Variants in LIN7B observed in about 807,000 individuals in gnomAD.
LIN7B encodes the protein protein lin-7 homolog B.
In LIN7B, 16 loss-of-function variants were observed where a neutral mutation model predicts 27.9. That is an observed-to-expected ratio of 0.57 (90% CI 0.39 to 0.87). The LOEUF is 0.87. LIN7B is among the 40% of genes least tolerant of loss of function. LIN7B has a pLI of 0.00. For synonymous variants in LIN7B, 147 were observed against 120.8 expected, an observed-to-expected ratio of 1.22 and a Z score of -1.42; for missense variants, 291 against 288.5, an observed-to-expected ratio of 1.01 and a Z score of -0.06.
intron 4 of LIN7B, 121 bp from the exon 5 acceptor site, chr19:49,117,734 A>G (rs2040853348): frequency 1.2e-6 from 1 of 805,750 alleles, no homozygotes; most frequent in South Asian, 1.6e-5. Flanking sequence ...CACGAGGAGG[A>G]CATGAGGCAT....
At position 49,115,304 on chromosome 19, in the gene LIN7B, C is replaced by T. The variant is rs775686153; in HGVS notation, c.201C>T (p.Ala67=). The T allele has an allele frequency of 6.4e-6, 10 of 1,571,848 alleles. No individual in the cohort carries two copies. The highest frequency in any genetic ancestry group is 5.8e-5 in the South Asian group (5 of 85,688). Residue 67 remains alanine, a synonymous_variant, in exon 3 of 6, where the codon GCC becomes GCT. Coordinates refer to ENST00000221459, the MANE Select transcript of LIN7B (RefSeq NM_022165.3). The part of the protein sequence containing the change: ...LYDTLDITGS[A]EIRAHATAKA... ...ACACGCTGGACATCACCGGCAGCGC[C>T]GAGATCCGAGCCCATGCCACAGCCA... is the stretch of plus-strand genomic sequence containing the variant.
At chr19:49,117,491 A>G (rs1353598137) in intron 4 of LIN7B, among the ~76,000 whole-genome samples, 2 of 152,064 alleles carry the variant, frequency 1.3e-5, no homozygotes, top group Admixed American at 6.6e-5. Flanking sequence ...CAGGCCAGGG[A>G]GGAGGCTGGG....
In LIN7B at chr19:49,117,972, G is replaced by A. The variant is rs758700623; in HGVS notation, c.556G>A (p.Glu186Lys). The A allele has an allele frequency of 6.2e-7, 1 of 1,614,062 alleles. No homozygotes were observed. The highest frequency in any genetic ancestry group is 2.2e-5 in the East Asian group (1 of 44,884). ...RVLEEMEARFEKMRSARRRQQ... is the reference protein window; with the variant it reads ...RVLEEMEARFKKMRSARRRQQ... ...GCTGGAGGAGATGGAGGCCCGGTTC[G>A]AGAAGATGCGCTCTGCCCGCCGGCG... is the stretch of plus-strand genomic sequence containing the variant. Residue 186 changes from glutamate to lysine, a missense_variant, in exon 5 of 6, where the codon GAG becomes AAG. Transcript: ENST00000221459.
chr19:49,116,009 CAAAAA>C (rs562837227), intron 3 of LIN7B: 2 of 285,016 alleles, frequency 7.0e-6, no homozygotes, highest in Non-Finnish European at 1.3e-5. Context: ...GACTTCATCT[CAAAAA>C]AAAAAAAAAA....
intron 1 of LIN7B, 120 bp downstream of exon 1, chr19:49,114,561 C>T (rs905111733): frequency 1.3e-6 from 1 of 799,816 alleles, no homozygotes; most frequent in Non-Finnish European, 1.7e-6. Context: ...AGGGGGTGGG[C>T]GGGGCGGGCG....
At chr19:49,115,081 C>A in intron 2 of LIN7B, 114 bp downstream of exon 2, 1 of 899,408 alleles carries the variant, frequency 1.1e-6, no homozygotes, top group South Asian at 2.0e-5. Context: ...AGGCGGCCCG[C>A]CTTGGGGTGC....
chr19:49,116,312 T>C lies in LIN7B; in HGVS notation c.278T>C (p.Val93Ala), dbSNP rs1238897546. ...AGCGAGGGCCACGCACATCCCAGGG[T>C]AGTGGAGCTACCCAAGACGGATGAG... ...TASEGHAHPRVVELPKTDEGL... is the reference protein window; with the variant it reads ...TASEGHAHPRAVELPKTDEGL... The change falls in exon 4 of 6, where the codon GTA becomes GCA. Residue 93 changes from valine (V) to alanine (A), a missense_variant. By Grantham distance (64) the Val-to-Ala change is moderately conservative. Transcript: ENST00000221459. The C allele has an allele frequency of 3.1e-6, 5 of 1,613,924 alleles. No individual in the cohort carries two copies. The highest frequency in any genetic ancestry group is 1.7e-5 in the Admixed American group (1 of 60,006).
chr19:49,116,398 G>C lies in LIN7B; in HGVS notation c.364G>C (p.Val122Leu), dbSNP rs761103929. The C allele has an allele frequency of 1.9e-6, 3 of 1,614,240 alleles. No homozygotes were observed. Among genetic ancestry groups the C allele is most frequent in the East Asian group, 2.2e-5 (1 of 44,890 alleles). The change falls in exon 4 of 6, where the codon GTC (valine) becomes CTC (leucine). Residue 122 changes from valine (V) to leucine (L), a missense_variant. Transcript: ENST00000221459. ...AAACTCGCCCATCTACATCTCCCGG[G>C]TCATCCCAGGGGGTGTGGCTGACCG... is the stretch of plus-strand genomic sequence containing the variant. ...EQNSPIYISR[V>L]IPGGVADRHG...
rs2040862144 is a variant in LIN7B at position 49,118,033 on chromosome 19, C to T, written c.602+15C>T. The T allele has an allele frequency of 6.2e-7, 1 of 1,613,492 alleles. No individual in the cohort carries two copies. The highest frequency in any genetic ancestry group is 8.5e-7 in the Non-Finnish European group (1 of 1,179,778). On this transcript the variant is annotated intron_variant, in intron 5 of 5. Transcript: ENST00000221459. ...CAGAGCTACTCGTGAGCCCCTGGGT[C>T]ACCACACCCCTGGGGCCTCCACGGG...
In LIN7B at chr19:49,114,452, G is replaced by T. The variant is rs962275807; in HGVS notation, c.37+11G>T. Reference sequence around the variant, plus strand: ...TGGGGCTGGAGCGGGGTAAGCGTGCGCCAGGGGGCCCTGCCCACCCGGGCC... The same window carrying T: ...TGGGGCTGGAGCGGGGTAAGCGTGCTCCAGGGGGCCCTGCCCACCCGGGCC... On this transcript the variant is annotated intron_variant, in intron 1 of 5. Transcript: ENST00000221459. 60 of 1,207,886 alleles carry T rather than the reference G, an allele frequency of 5.0e-5. No homozygotes were observed. In the East Asian group the frequency reaches 1.7e-3, roughly 34 times the overall value. The allele number at this position is 1,207,886 out of a possible 1,614,324, so 74.8% of individuals were successfully genotyped here.
At chr19:49,115,531 T>C in intron 3 of LIN7B, 200 bp downstream of exon 3, 1 of 575,130 alleles carries the variant, frequency 1.7e-6, no homozygotes, top group East Asian at 3.0e-5. Context: ...ATGGAAACAG[T>C]ATGGCATGGT....
intron 5 of LIN7B, 28 bp downstream of exon 5, chr19:49,118,046 G>A (rs767651970): frequency 1.2e-6 from 2 of 1,611,410 alleles, no homozygotes; most frequent in South Asian, 2.2e-5. Flanking sequence ...CACACCCCTG[G>A]GGCCTCCACG....
At position 49,114,381 on chromosome 19, in the gene LIN7B, G is replaced by A. The variant is rs1600303515; in HGVS notation, c.-24G>A. The A allele has an allele frequency of 2.5e-6, 3 of 1,192,660 alleles. No homozygotes were observed. The East Asian group carries it at 1.1e-4, about 43-fold the overall frequency. 73.9% of individuals were successfully genotyped at this position (1,192,660 alleles called of 1,614,324 possible). On this transcript the variant is annotated 5_prime_UTR_variant, in exon 1 of 6. Coordinates refer to ENST00000221459, the MANE Select transcript of LIN7B (RefSeq NM_022165.3). ...TCCTCGCCGGCGCCAGGGCAGGCGG[G>A]CGGCTGGCAGCTGTGGCGCCGACAT...
At chr19:49,117,100 G>T (rs925961683) in intron 4 of LIN7B, among the ~76,000 whole-genome samples, 3 of 152,008 alleles carry the variant, frequency 2.0e-5, no homozygotes, top group African/African-American at 7.3e-5. Flanking sequence ...ACAAAAATTA[G>T]CCAGGTGTGG....
At chr19:49,115,093 A>C in intron 2 of LIN7B, 126 bp downstream of exon 2, 1 of 885,998 alleles carries the variant, frequency 1.1e-6, no homozygotes, top group Non-Finnish European at 1.6e-6. Context: ...TTGGGGTGCC[A>C]ACGCTTCAGC....
Position 49,115,240 on chromosome 19 carries a change from G to A in LIN7B, c.157-20G>A, listed in dbSNP as rs986700284. The A allele has an allele frequency of 6.5e-7, 1 of 1,546,692 alleles. No individual in the cohort carries two copies. Among genetic ancestry groups the A allele is most frequent in the South Asian group, 1.2e-5 (1 of 83,738 alleles). On this transcript the variant is annotated intron_variant, in intron 2 of 5. Transcript: ENST00000221459. The stretch of plus-strand genomic sequence containing the variant: ...CTGGAGGAGCTGGCGACTCCCTGAT[G>A]CCGCTGCCTCCTCACCCAGGTGTAT...
rs1400274797 is a variant in LIN7B, at chr19:49,114,861, C to T, written c.50C>T (p.Ala17Val). ...PLGLERDVSR[A>V]VELLERLQRS... is the part of the protein sequence containing the mutation. Reference sequence around the variant, plus strand: ...CCCCGCCCCGCAGACGTGTCCCGGGCGGTTGAGCTCCTCGAGCGGCTCCAG... The same window carrying T: ...CCCCGCCCCGCAGACGTGTCCCGGGTGGTTGAGCTCCTCGAGCGGCTCCAG... The change falls in exon 2 of 6, where the codon GCG becomes GTG. Residue 17 changes from alanine (A) to valine (V), a missense_variant. Transcript: ENST00000221459. 2.1e-6 allele frequency: 3 copies of T among 1,461,548 alleles called. No individual in the cohort carries two copies. Among genetic ancestry groups the T allele is most frequent in the East Asian group, 2.8e-5 (1 of 36,144 alleles). The allele number at this position is 1,461,548 out of a possible 1,614,324, so 90.5% of individuals were successfully genotyped here. A position where few individuals can be genotyped will look rare whatever the true frequency, so the allele number is the denominator to read the frequency against.
chr19:49,116,407 G>T lies in LIN7B; in HGVS notation c.373G>T (p.Gly125Trp), dbSNP rs2040826375. 4 of 1,614,134 alleles carry T rather than the reference G, an allele frequency of 2.5e-6. No homozygotes were observed. In the South Asian group the frequency reaches 4.4e-5, roughly 18 times the overall value. The change falls in exon 4 of 6, where the codon GGG becomes TGG. Residue 125 changes from glycine to tryptophan, a missense_variant. Physicochemically the swap from Gly to Trp is radical, Grantham distance 184 (BLOSUM62 -2). Coordinates refer to ENST00000221459, the MANE Select transcript of LIN7B (RefSeq NM_022165.3). ...CATCTACATCTCCCGGGTCATCCCAGGGGGTGTGGCTGACCGCCATGGAGG... is the reference window on the plus strand; with the variant it reads ...CATCTACATCTCCCGGGTCATCCCATGGGGTGTGGCTGACCGCCATGGAGG... ...SPIYISRVIP[G>W]GVADRHGGLK...
intron 1 of LIN7B, 172 bp from the exon 2 acceptor site, chr19:49,114,677 G>T (rs1371265036): frequency 9.0e-6 from 4 of 446,464 alleles, no homozygotes; most frequent in African/African-American, 4.0e-5. Flanking sequence ...GGGCCGCAGG[G>T]CCGCTGGTGG....
Sources: allele counts gnomAD v4.1 joint callset (sites outside exome capture counted in the v4.1 genomes callset), GRCh38; gene constraint gnomAD v4.1.1; transcripts MANE v1.5; gene names NCBI Gene and HGNC (gene_info 2026-07-23, HGNC 2026-07-21).